Variants in MLIP observed in about 807,000 individuals in gnomAD.
MLIP encodes muscular LMNA-interacting protein.
MLIP carries 79 observed loss-of-function variants against 84.8 expected under a neutral mutation model. The ratio of observed to expected loss-of-function variants is 0.93; its 90% CI spans 0.78 to 1.12. The LOEUF (loss-of-function observed/expected upper bound fraction) is 1.12. Ranked by LOEUF, MLIP falls within the 50% of genes most tolerant of loss-of-function variation. The pLI is 0.00. For missense variants in MLIP, 1,257 were observed against 1,160.6 expected, an observed-to-expected ratio of 1.08 and a Z score of -1.21; for synonymous variants, 504 against 463.0, an observed-to-expected ratio of 1.09 and a Z score of -1.14.
chr6:54,072,775 C>T (rs575422010), intron 1 of MLIP, among the ~76,000 whole-genome samples: 6 of 152,150 alleles, frequency 3.9e-5, no homozygotes, highest in Admixed American at 1.3e-4. Context: ...GCTATCCTTC[C>T]GTCTGTGAAT....
In MLIP at chr6:54,137,668, C is replaced by A. The variant is rs1429970891; in HGVS notation, c.1599C>A (p.Ser533Arg). The change falls in exon 4 of 14, where the codon AGC becomes AGA. Residue 533 changes from serine (S) to arginine (R), a missense_variant. Transcript: ENST00000502396. ...GAACACCATCACCTACTTTGAAGAGCAATACCATGCTCTCCCTGCTACAAA... is the reference window on the plus strand; with the variant it reads ...GAACACCATCACCTACTTTGAAGAGAAATACCATGCTCTCCCTGCTACAAA... The part of the protein sequence containing the change: ...VERTPSPTLK[S>R]NTMLSLLQTS... 2.6e-6 allele frequency: 4 copies of A among 1,535,962 alleles called. No homozygotes were observed. The highest frequency in any genetic ancestry group is 1.7e-4 in the Middle Eastern group (1 of 6,012).
At chr6:54,129,294 C>A (rs1771184201) in intron 3 of MLIP, among the ~76,000 whole-genome samples, 1 of 152,184 alleles carries the variant, frequency 6.6e-6, no homozygotes, top group South Asian at 2.1e-4. Context: ...GTCTGTCTTA[C>A]CCCACTAGAT....
At chr6:54,095,648 T>C (rs181435164) in intron 1 of MLIP, among the ~76,000 whole-genome samples, 2 of 152,240 alleles carry the variant, frequency 1.3e-5, no homozygotes, top group Non-Finnish European at 2.9e-5. Context: ...ACATTTTCTA[T>C]TGACCCCTCA....
chr6:54,090,477 C>T (rs1767791962), intron 1 of MLIP, among the ~76,000 whole-genome samples: 1 of 152,158 alleles, frequency 6.6e-6, no homozygotes, highest in African/African-American at 2.4e-5. Context: ...CTTATTTTCA[C>T]ATTCTGTCTA....
chr6:54,117,211 CT>C (rs200691416), intron 1 of MLIP, among the ~76,000 whole-genome samples: 1,604 of 117,662 alleles, frequency 0.014, 15 homozygotes, highest in African/African-American at 0.046. Context: ...CTATTTCTGT[CT>C]TTTTTTTTTT....
chr6:54,228,321 A>G (rs972073133), intron 11 of MLIP, among the ~76,000 whole-genome samples: 1 of 152,226 alleles, frequency 6.6e-6, no homozygotes, highest in African/African-American at 2.4e-5. Context: ...ACAAACATAG[A>G]AGGCAATTAG....
chr6:54,089,274 A>C (rs1339452395), intron 1 of MLIP, among the ~76,000 whole-genome samples: 1 of 152,160 alleles, frequency 6.6e-6, no homozygotes, highest in African/African-American at 2.4e-5. Flanking sequence ...ATAACATTTC[A>C]ACAAGGCTAA....
intron 1 of MLIP, among the ~76,000 whole-genome samples, chr6:54,061,349 G>A (rs1765954501): frequency 6.6e-6 from 1 of 152,140 alleles, no homozygotes; most frequent in South Asian, 2.1e-4. Context: ...GTGCTAGGCT[G>A]CACTAACCAG....
chr6:54,241,190 G>A (rs1390052245), intron 12 of MLIP, among the ~76,000 whole-genome samples: 2 of 151,282 alleles, frequency 1.3e-5, no homozygotes, highest in Admixed American at 1.3e-4. Context: ...AACTTTAAAA[G>A]AAAAATTATA....
intron 11 of MLIP, chr6:54,217,980 C>T (rs1779965348): frequency 2.0e-6 from 2 of 985,252 alleles, no homozygotes; most frequent in Non-Finnish European, 2.4e-6. Flanking sequence ...GATAGAGATG[C>T]CATTAGTGTG....
At chr6:54,120,401 A>ATTT (rs10708241) in intron 1 of MLIP, among the ~76,000 whole-genome samples, 41 of 151,286 alleles carry the variant, frequency 2.7e-4, no homozygotes, top group African/African-American at 8.7e-4. Context: ...CGCCCGGCTC[A>ATTT]TTTTTTTTTG....
intron 3 of MLIP, among the ~76,000 whole-genome samples, chr6:54,135,099 G>A (rs2150477323): frequency 6.6e-6 from 1 of 152,142 alleles, no homozygotes; most frequent in South Asian, 2.1e-4. Context: ...TGTCATGCTT[G>A]TAGTGACAGA....
At position 54,085,557 on chromosome 6, in the gene MLIP, T is replaced by A. The variant is rs1582103452; in HGVS notation, c.64-35890T>A. ...ATTCTTGGGGGGATATTTGAAGAGA[T>A]CATATTTCTCATTTGTAGCTAGGCT... On this transcript the variant is annotated intron_variant, in intron 1 of 12. Coordinates refer to the MLIP transcript ENST00000274897. Among the ~76,000 whole-genome samples the A allele has an allele frequency of 1.3e-5, 2 of 152,150 alleles. 1 individual carries two copies. Among genetic ancestry groups the A allele is most frequent in the East Asian group, 3.9e-4 (2 of 5,186 alleles).
At chr6:54,021,944 C>A (rs1158394712) in intron 1 of MLIP, among the ~76,000 whole-genome samples, 1 of 152,140 alleles carries the variant, frequency 6.6e-6, no homozygotes. Context: ...ATATCTTAGT[C>A]ATTGATTCTG....
chr6:54,263,665 T>C (rs1783524768), intron 13 of MLIP, among the ~76,000 whole-genome samples: 1 of 152,076 alleles, frequency 6.6e-6, no homozygotes, highest in African/African-American at 2.4e-5. Context: ...TCTGTAACAT[T>C]GGCTTAATGT....
At chr6:54,215,477 G>A in intron 11 of MLIP, 1 of 1,026,384 alleles carries the variant, frequency 9.7e-7, no homozygotes, top group Non-Finnish European at 1.2e-6. Flanking sequence ...CTTTATTGCA[G>A]TATAATTGAC....
rs115748092 is a variant in MLIP at position 54,092,716 on chromosome 6, T to A, written c.64-28731T>A. ...AAATGGTTTTAATATTAAAATGGTTTATTTAAATTAAAATGGTTTTAAATC... is the reference window on the plus strand; with the variant it reads ...AAATGGTTTTAATATTAAAATGGTTAATTTAAATTAAAATGGTTTTAAATC... On this transcript the variant is annotated intron_variant, in intron 1 of 12. Transcript: ENST00000274897. 4.5e-3 allele frequency among the ~76,000 whole-genome samples: 681 copies of A among 152,156 alleles called. 9 individuals are homozygous for A. Among genetic ancestry groups the A allele is most frequent in the African/African-American group, 0.015 (636 of 41,482 alleles).
rs375948947 is a variant in MLIP at position 54,255,462 on chromosome 6, A to C, written c.2923-1846A>C. Among the ~76,000 whole-genome samples the C allele has an allele frequency of 2.2e-4, 34 of 152,324 alleles. 1 individual carries two copies. In the South Asian group the frequency reaches 4.1e-3, roughly 19 times the overall value. On this transcript the variant is annotated intron_variant, in intron 12 of 13. Transcript: ENST00000502396. ...AATCCATAAATCTTCACAACACATT[A>C]ATATCACATTTTTAGTCAGCTTAAG...
At chr6:54,083,483 G>A in intron 1 of MLIP, 1 of 1,533,540 alleles carries the variant, frequency 6.5e-7, no homozygotes, top group Non-Finnish European at 8.7e-7. Flanking sequence ...AGCTGACACA[G>A]GCAAGTGTTT....
Sources: allele counts gnomAD v4.1 joint callset (sites outside exome capture counted in the v4.1 genomes callset), GRCh38; gene constraint gnomAD v4.1.1; transcripts MANE v1.5; gene names NCBI Gene and HGNC (gene_info 2026-07-23, HGNC 2026-07-21).